Variants in C1orf50 observed in about 807,000 individuals in gnomAD.
C1orf50 encodes the protein uncharacterized protein C1orf50.
In C1orf50, 22 loss-of-function variants were observed where a neutral mutation model predicts 23.3. That is an observed-to-expected ratio of 0.94 (90% CI 0.67 to 1.35). The LOEUF (loss-of-function observed/expected upper bound fraction) is 1.35. C1orf50 is among the 40% of genes most tolerant of loss of function. The pLI, the probability that C1orf50 is intolerant of heterozygous loss-of-function variation, is 0.00. For synonymous variants in C1orf50, 96 were observed against 102.4 expected (o/e 0.94, Z 0.38); for missense variants, 271 against 249.4 (o/e 1.09, Z -0.58).
intron 2 of C1orf50, among the ~76,000 whole-genome samples, chr1:42,772,444 T>G (rs1283161745): frequency 6.6e-6 from 1 of 152,240 alleles, no homozygotes; most frequent in Non-Finnish European, 1.5e-5. Flanking sequence ...CACATGAATT[T>G]GTCACATTAG....
At position 42,777,725 on chromosome 1, in the gene C1orf50, G is replaced by A. The variant is rs1653368572; in HGVS notation, c.*2331G>A. 6.6e-6 allele frequency: 1 copy of A among 152,158 alleles called. No homozygotes were observed. The highest frequency in any genetic ancestry group is 2.4e-5 in the African/African-American group (1 of 41,414). The allele number at this position is 152,158 out of a possible 1,614,324, so 9.4% of individuals were successfully genotyped here. On this transcript the variant is annotated 3_prime_UTR_variant, in exon 5 of 5. Transcript: ENST00000372525. ...ATTGAACAGATCCTAGAATCTATCT[G>A]CCACAGTGCTCAGTTGAGAAGAAGA...
rs376032219 is a variant in C1orf50, at chr1:42,767,360, C to G, written c.49C>G (p.Gln17Glu). ...GCGGACCGAGGGGGTCCTTGAAAGGCAAGGAGCGCCGCCAGCTGCAGGCCA... is the reference window on the plus strand; with the variant it reads ...GCGGACCGAGGGGGTCCTTGAAAGGGAAGGAGCGCCGCCAGCTGCAGGCCA... ...PGRTEGVLER[Q>E]GAPPAAGQGG... The change falls in exon 1 of 5, where the codon CAA becomes GAA. Residue 17 changes from glutamine (Q) to glutamate (E), a missense_variant. Gln to Glu is a conservative substitution (Grantham distance 29). Transcript: ENST00000372525. 37 of 1,539,326 alleles carry G rather than the reference C, an allele frequency of 2.4e-5. No individual in the cohort carries two copies. The highest frequency in any genetic ancestry group is 2.3e-5 in the Admixed American group (1 of 43,130).
In C1orf50 at chr1:42,775,649, AC is replaced by A; in HGVS notation, c.*256del. ...TCAGTTTCAGAGTATTGGCCAGTGT[AC>A]TTTCCTTCTTCCTCTCCATCACTTC... On this transcript the variant is annotated 3_prime_UTR_variant, in exon 5 of 5. Coordinates refer to ENST00000372525, the MANE Select transcript of C1orf50 (RefSeq NM_024097.4). 1 of 329,160 alleles carries A rather than the reference AC, an allele frequency of 3.0e-6. No individual in the cohort carries two copies. 20.4% of individuals were successfully genotyped at this position (329,160 alleles called of 1,614,324 possible).
At chr1:42,775,112 G>A (rs1245285350) in intron 4 of C1orf50, 97 bp from the exon 5 acceptor site, 21 of 1,233,886 alleles carry the variant, frequency 1.7e-5, no homozygotes, top group Non-Finnish European at 2.1e-5. Flanking sequence ...CTAGTATGAA[G>A]TGAAAAGCCA....
At position 42,775,185 on chromosome 1, in the gene C1orf50, A is replaced by G. The variant is rs760006328; in HGVS notation, c.415-24A>G. 1.1e-5 allele frequency: 18 copies of G among 1,580,424 alleles called. No homozygotes were observed. In the Admixed American group the frequency reaches 2.9e-4, roughly 25 times the overall value. On this transcript the variant is annotated intron_variant, in intron 4 of 4. Coordinates refer to ENST00000372525, the MANE Select transcript of C1orf50 (RefSeq NM_024097.4). ...TTTGTTTACAACCCACGCTGATGGG[A>G]ACTGCCTCCTTTGCCTTCTCTAGGA...
At chr1:42,774,557 A>ATAG (rs1312186734) in intron 3 of C1orf50, among the ~76,000 whole-genome samples, 180 bp from the exon 4 acceptor site, 2 of 152,228 alleles carry the variant, frequency 1.3e-5, no homozygotes, top group African/African-American at 2.4e-5. Flanking sequence ...TTTTTACAGC[A>ATAG]TAGCAGCATA....
rs1447968253 is a variant in C1orf50, at chr1:42,778,149, A to G, written c.*2755A>G. 1 of 152,038 alleles carries G rather than the reference A, an allele frequency of 6.6e-6. No homozygotes were observed. The highest frequency in any genetic ancestry group is 1.5e-5 in the Non-Finnish European group (1 of 68,004). The allele number at this position is 152,038 out of a possible 1,614,324, so 9.4% of individuals were successfully genotyped here. A position where few individuals can be genotyped will look rare whatever the true frequency, so the allele number is the denominator to read the frequency against. ...GGGCACCTCAGAATGGGAAACTAGG[A>G]CCCAGTGATTATATACAGTAATCAC... On this transcript the variant is annotated 3_prime_UTR_variant, in exon 5 of 5. Coordinates refer to ENST00000372525, the MANE Select transcript of C1orf50 (RefSeq NM_024097.4).
chr1:42,775,453 C>G lies in C1orf50; in HGVS notation c.*59C>G. ...TGGCTGTCAACCTCCTTGTTGCCCC[C>G]ACTGTTGCCTTGAGAATTGAAGACA... On this transcript the variant is annotated 3_prime_UTR_variant, in exon 5 of 5. Coordinates refer to ENST00000372525, the MANE Select transcript of C1orf50 (RefSeq NM_024097.4). The G allele has an allele frequency of 6.9e-7, 1 of 1,459,500 alleles. No individual in the cohort carries two copies. The highest frequency in any genetic ancestry group is 9.3e-7 in the Non-Finnish European group (1 of 1,074,316). The allele number at this position is 1,459,500 out of a possible 1,614,324, so 90.4% of individuals were successfully genotyped here. A position where few individuals can be genotyped will look rare whatever the true frequency, so the allele number is the denominator to read the frequency against.
chr1:42,767,359 G>C lies in C1orf50; in HGVS notation c.48G>C (p.Arg16Ser), dbSNP rs757170944. ...GGCGGACCGAGGGGGTCCTTGAAAG[G>C]CAAGGAGCGCCGCCAGCTGCAGGCC... is the stretch of plus-strand genomic sequence containing the variant. ...APGRTEGVLE[R>S]QGAPPAAGQG... The change falls in exon 1 of 5, where the codon AGG becomes AGC. Residue 16 changes from arginine to serine, a missense_variant. Physicochemically the swap from Arg to Ser is moderately radical, Grantham distance 110. Coordinates refer to ENST00000372525, the MANE Select transcript of C1orf50 (RefSeq NM_024097.4). 2.6e-6 allele frequency: 4 copies of C among 1,539,596 alleles called. No individual in the cohort carries two copies. The East Asian group carries it at 9.5e-5, about 36-fold the overall frequency.
At position 42,773,661 on chromosome 1, in the gene C1orf50, C is replaced by G; in HGVS notation, c.282+12C>G. 4.5e-6 allele frequency: 7 copies of G among 1,567,448 alleles called. No homozygotes were observed. Among genetic ancestry groups the G allele is most frequent in the Non-Finnish European group, 6.1e-6 (7 of 1,139,716 alleles). On this transcript the variant is annotated intron_variant, in intron 3 of 4. Coordinates refer to ENST00000372525, the MANE Select transcript of C1orf50 (RefSeq NM_024097.4). ...AACAAGCCAGGAAGGTAAGGAATGA[C>G]TGTTAGACAGGCTTTCATTTTCTTT...
rs754612180 is a variant in C1orf50, at chr1:42,767,542, G to T, written c.113G>T (p.Gly38Val). 6.2e-7 allele frequency: 1 copy of T among 1,601,790 alleles called. No individual in the cohort carries two copies. The highest frequency in any genetic ancestry group is 1.7e-5 in the Admixed American group (1 of 58,258). The change falls in exon 2 of 5, where the codon GGC becomes GTC. Residue 38 changes from glycine (G) to valine (V), a missense_variant. By Grantham distance (109) the Gly-to-Val change is moderately radical. Coordinates refer to ENST00000372525, the MANE Select transcript of C1orf50 (RefSeq NM_024097.4). ...ALVELTPTPG[G>V]LALVSPYHTH... is the part of the protein sequence containing the mutation. ...GTGGAGCTCACCCCGACCCCCGGCG[G>T]CCTGGCCCTGGTGAGCCCCTACCAC...
At chr1:42,773,410 C>G in intron 2 of C1orf50, 153 bp from the exon 3 acceptor site, 1 of 529,772 alleles carries the variant, frequency 1.9e-6, no homozygotes, top group Non-Finnish European at 3.5e-6. Flanking sequence ...TGAGTGGGGC[C>G]TCGGATGAGT....
intron 3 of C1orf50, among the ~76,000 whole-genome samples, chr1:42,774,429 A>C (rs1053081536): frequency 2.0e-5 from 3 of 152,154 alleles, no homozygotes; most frequent in Non-Finnish European, 2.9e-5. Context: ...GGGTTTTGCC[A>C]TGTTGCCCAA....
At chr1:42,770,071 A>C (rs1557584096) in intron 2 of C1orf50, among the ~76,000 whole-genome samples, 1 of 152,206 alleles carries the variant, frequency 6.6e-6, no homozygotes, top group Non-Finnish European at 1.5e-5. Flanking sequence ...TGTTGTGAGA[A>C]GTAAATGAGA....
intron 2 of C1orf50, among the ~76,000 whole-genome samples, chr1:42,769,218 A>C (rs1653164078): frequency 6.6e-6 from 1 of 152,026 alleles, no homozygotes; most frequent in African/African-American, 2.4e-5. Flanking sequence ...ACTGTACTCC[A>C]GAATTGGTGA....
In C1orf50 at chr1:42,770,632, A is replaced by G. The variant is rs990933389; in HGVS notation, c.196-2931A>G. Among the ~76,000 whole-genome samples the G allele has an allele frequency of 3.9e-5, 6 of 152,252 alleles. No individual in the cohort carries two copies. In the South Asian group the frequency reaches 1.2e-3, roughly 32 times the overall value. ...TTTTTAGTAGAGACAGGGTTTCTCC[A>G]TGTTGGTCAGGCTGGTCTCAAACGC... On this transcript the variant is annotated intron_variant, in intron 2 of 4. Coordinates refer to ENST00000372525, the MANE Select transcript of C1orf50 (RefSeq NM_024097.4).
intron 2 of C1orf50, among the ~76,000 whole-genome samples, chr1:42,767,936 A>G (rs1249437151): frequency 6.6e-6 from 1 of 152,182 alleles, no homozygotes; most frequent in African/African-American, 2.4e-5. Flanking sequence ...GTACAGAGTT[A>G]TTCTTCCCAT....
chr1:42,773,439 G>A, intron 2 of C1orf50, 124 bp from the exon 3 acceptor site: 1 of 601,386 alleles, frequency 1.7e-6, no homozygotes, highest in Non-Finnish European at 3.0e-6. Flanking sequence ...ATGGGGCAGT[G>A]GCAAGAATGG....
intron 2 of C1orf50, among the ~76,000 whole-genome samples, chr1:42,768,465 A>G (rs566689896): frequency 5.3e-5 from 8 of 152,070 alleles, no homozygotes; most frequent in Non-Finnish European, 1.0e-4. Flanking sequence ...GGCCTTGATT[A>G]TGTTCCAGGG....
Sources: gnomAD v4.1 joint callset for allele counts (sites outside exome capture counted in the v4.1 genomes callset) on GRCh38, gnomAD v4.1.1 for gene constraint, MANE v1.5 for transcripts, NCBI Gene and HGNC (gene_info 2026-07-23, HGNC 2026-07-21) for gene names.